The following NRP1 variants were observed in gnomAD, a reference collection of about 807,000 sequenced individuals.
NRP1 encodes neuropilin 1, also known as neuropilin-1.
Under a neutral mutation model 106.7 loss-of-function variants are expected in NRP1, and 35 were observed. The observed-to-expected ratio is 0.33, with a 90% CI of 0.25 to 0.43. NRP1 has a LOEUF of 0.43. Among genes scored for constraint, NRP1 ranks in the 20% least tolerant of loss-of-function variants. The pLI is 1.00. For missense variants in NRP1, 1,024 were observed against 1,170.4 expected, an observed-to-expected ratio of 0.87 and a Z score of 1.83; for synonymous variants, 437 against 417.9, an observed-to-expected ratio of 1.05 and a Z score of -0.56.
rs553254653 is a variant in NRP1, at chr10:33,185,809, G to C, written c.2335-85C>G. On this transcript the variant is annotated intron_variant, in intron 14 of 16. Transcript: ENST00000374867. ...CAAATGCTTGTTCAGCTCCAGCTAC[G>C]GCACATAAATTAAATTCATCAGATT... The C allele has an allele frequency of 6.9e-6, 8 of 1,159,716 alleles. No homozygotes were observed. In the East Asian group the frequency reaches 1.9e-4, roughly 28 times the overall value. 71.8% of individuals were successfully genotyped at this position (1,159,716 alleles called of 1,614,324 possible).
In NRP1 at chr10:33,281,313, G is replaced by T. The variant is rs186919816; in HGVS notation, c.249-10457C>A. Among the ~76,000 whole-genome samples, 4 of 152,242 alleles carry T rather than the reference G, an allele frequency of 2.6e-5. No homozygotes were observed. In the East Asian group the frequency reaches 7.8e-4, roughly 30 times the overall value. On this transcript the variant is annotated intron_variant, in intron 2 of 16. Coordinates refer to ENST00000374867, the MANE Select transcript of NRP1 (RefSeq NM_003873.7). Reference sequence around the variant, plus strand: ...AATCCACCCATCTCGGCCTCCCAAAGTGCTGAGATTACAGGCGTGAGCCAC... The same window carrying T: ...AATCCACCCATCTCGGCCTCCCAAATTGCTGAGATTACAGGCGTGAGCCAC...
intron 6 of NRP1, among the ~76,000 whole-genome samples, chr10:33,243,522 A>G (rs942554875): frequency 3.9e-5 from 6 of 152,234 alleles, no homozygotes; most frequent in African/African-American, 9.6e-5. Context: ...TTCTAGATCC[A>G]AAATATGTAG....
intron 10 of NRP1, among the ~76,000 whole-genome samples, chr10:33,204,773 C>T (rs1034796008): frequency 1.3e-5 from 2 of 151,906 alleles, no homozygotes; most frequent in Admixed American, 6.6e-5. Flanking sequence ...CTCTTGTCAC[C>T]CAGGCTGGAG....
intron 9 of NRP1, among the ~76,000 whole-genome samples, chr10:33,208,514 G>A (rs148365997): frequency 0.019 from 2,887 of 152,252 alleles, 58 homozygotes; most frequent in Non-Finnish European, 0.024. Flanking sequence ...ATGGAGCAAT[G>A]ACTAGGCCAG....
chr10:33,192,337 A>C lies in NRP1; in HGVS notation c.2006T>G (p.Val669Gly), dbSNP rs1239008699. The part of the protein sequence containing the change: ...TFCHWEHDNH[V>G]QLKWSVLTSK... ...GGTCAACACACTCCACTTGAGCTGC[A>C]CGTGATTGTCATGTTCCCAGTGGCA... Residue 669 changes from valine to glycine, a missense_variant, in exon 13 of 17, where the codon GTG (valine) becomes GGG (glycine). By Grantham distance (109) the Val-to-Gly change is moderately radical. Coordinates refer to ENST00000374867, the MANE Select transcript of NRP1 (RefSeq NM_003873.7). The C allele has an allele frequency of 6.2e-7, 1 of 1,613,852 alleles. No individual in the cohort carries two copies. Among genetic ancestry groups the C allele is most frequent in the South Asian group, 1.1e-5 (1 of 91,074 alleles).
chr10:33,272,657 A>G (rs1276002024), intron 2 of NRP1, among the ~76,000 whole-genome samples: 3 of 152,148 alleles, frequency 2.0e-5, no homozygotes. Flanking sequence ...ACAAGCTAGC[A>G]TTTATGGAGT....
intron 2 of NRP1, among the ~76,000 whole-genome samples, chr10:33,290,142 G>A (rs1235381359): frequency 6.6e-6 from 1 of 152,146 alleles, no homozygotes; most frequent in Non-Finnish European, 1.5e-5. Context: ...ACCTGAGGAT[G>A]TATAGAATGC....
intron 8 of NRP1, among the ~76,000 whole-genome samples, chr10:33,220,709 C>T (rs1839164219): frequency 6.6e-6 from 1 of 151,870 alleles, no homozygotes; most frequent in Admixed American, 6.6e-5. Context: ...CCAGCCTGGC[C>T]AACATGGTGA....
chr10:33,245,097 A>G (rs1002201801), intron 6 of NRP1, among the ~76,000 whole-genome samples: 3 of 152,262 alleles, frequency 2.0e-5, no homozygotes, highest in Non-Finnish European at 4.4e-5. Context: ...TTTTTGGAAA[A>G]CAAAAGAACT....
intron 2 of NRP1, among the ~76,000 whole-genome samples, chr10:33,311,893 A>G (rs1362753040): frequency 6.6e-6 from 1 of 152,238 alleles, no homozygotes; most frequent in East Asian, 1.9e-4. Flanking sequence ...TCGCAAGGCC[A>G]GTCTCAGGAA....
intron 2 of NRP1, among the ~76,000 whole-genome samples, chr10:33,275,808 G>A (rs1379290999): frequency 6.6e-6 from 1 of 151,890 alleles, no homozygotes; most frequent in Non-Finnish European, 1.5e-5. Context: ...TACTTGGGAG[G>A]CTGAGGTGGG....
Position 33,254,033 on chromosome 10 carries a change from T to C in NRP1, c.976A>G (p.Ile326Val). 1 of 1,607,984 alleles carries C rather than the reference T, an allele frequency of 6.2e-7. No individual in the cohort carries two copies. Among genetic ancestry groups the C allele is most frequent in the Non-Finnish European group, 8.5e-7 (1 of 1,178,252 alleles). ...CTTGATCTTATGCTGCATACCTGTA[T>C]CCACTCTCGGTAGGAATCCTCTCCG... ...TPGEDSYREWIQVDLGLLRFV... is the reference protein window; with the variant it reads ...TPGEDSYREWVQVDLGLLRFV... Residue 326 changes from isoleucine (I) to valine (V), a missense_variant, in exon 6 of 17, where the codon ATA (isoleucine) becomes GTA (valine). Ile to Val is a conservative substitution (Grantham distance 29). Around this residue, in one of 5 missense-constraint regions of NRP1, gnomAD observed 562 missense variants for 620.3 expected, o/e 0.91. Transcript: ENST00000374867.
chr10:33,275,786 T>A (rs542253530), intron 2 of NRP1, among the ~76,000 whole-genome samples: 2 of 151,900 alleles, frequency 1.3e-5, no homozygotes, highest in African/African-American at 4.8e-5. Flanking sequence ...GGCTCATGGC[T>A]GTAGTCCCAC....
chr10:33,284,547 C>A (rs1362505702), intron 2 of NRP1, among the ~76,000 whole-genome samples: 1 of 152,126 alleles, frequency 6.6e-6, no homozygotes, highest in Non-Finnish European at 1.5e-5. Flanking sequence ...TAAAAATACC[C>A]CATATTTCAG....
rs1413431395 is a variant in NRP1 at position 33,199,367 on chromosome 10, C to CTATATATATA, written c.1865-1668_1865-1659dup. On this transcript the variant is annotated intron_variant, in intron 11 of 16. Transcript: ENST00000374867. Reference sequence around the variant, plus strand: ...GTGCGCCACCATGCCTGGCTGTTTTCTATATATATATATATATATATATTT... The same window carrying CTATATATATA: ...GTGCGCCACCATGCCTGGCTGTTTTCTATATATATATATATATATATATATATATATATTT... 4.4e-3 allele frequency among the ~76,000 whole-genome samples: 238 copies of CTATATATATA among 54,264 alleles called. 23 individuals carry two copies. Among genetic ancestry groups the CTATATATATA allele is most frequent in the East Asian group, 0.013 (12 of 952 alleles). The allele number at this position is 54,264 out of a possible 152,430, so 35.6% of individuals were successfully genotyped here.
chr10:33,277,828 T>C (rs926493364), intron 2 of NRP1, among the ~76,000 whole-genome samples: 2 of 152,166 alleles, frequency 1.3e-5, no homozygotes, highest in Non-Finnish European at 2.9e-5. Context: ...TTAAAAATAT[T>C]TTTCCTATAT....
rs1835463408 is a variant in NRP1, at chr10:33,177,787, G to A, written c.*2289C>T. On this transcript the variant is annotated 3_prime_UTR_variant, in exon 17 of 17. Coordinates refer to ENST00000374867, the MANE Select transcript of NRP1 (RefSeq NM_003873.7). ...AAATGAAAACATTTTACTACAGAAAGTTTTATAGATTTCCATAAAGAAAAA... is the reference window on the plus strand; with the variant it reads ...AAATGAAAACATTTTACTACAGAAAATTTTATAGATTTCCATAAAGAAAAA... 6.6e-6 allele frequency: 1 copy of A among 152,424 alleles called. No individual in the cohort carries two copies. 9.4% of individuals were successfully genotyped at this position (152,424 alleles called of 1,614,324 possible).
At chr10:33,286,967 G>A (rs1844613268) in intron 2 of NRP1, among the ~76,000 whole-genome samples, 1 of 152,012 alleles carries the variant, frequency 6.6e-6, no homozygotes. Flanking sequence ...CCCAGACATA[G>A]GCAAAATACC....
chr10:33,319,875 C>T (rs1359882956), intron 2 of NRP1, among the ~76,000 whole-genome samples: 2 of 151,700 alleles, frequency 1.3e-5, no homozygotes, highest in Admixed American at 6.6e-5. Context: ...CCTGAGCCAC[C>T]GCGCCCGGCC....
Sources: gnomAD v4.1 joint callset for allele counts (sites outside exome capture counted in the v4.1 genomes callset) on GRCh38, gnomAD v4.1.1 for gene constraint, gnomAD v4.1.1 regional missense constraint, MANE v1.5 for transcripts, NCBI Gene and HGNC (gene_info 2026-07-23, HGNC 2026-07-21) for gene names.